KCNH8: variants seen among roughly 807,000 people sequenced by gnomAD.
KCNH8 encodes the protein voltage-gated delayed rectifier potassium channel KCNH8.
KCNH8 carries 70 observed loss-of-function variants against 103.6 expected under a neutral mutation model. The observed-to-expected ratio is 0.68, with a 90% confidence interval of 0.56 to 0.82. KCNH8 has a LOEUF of 0.82. Ranked by LOEUF, KCNH8 falls within the 40% of genes least tolerant of loss-of-function variation. The pLI is 0.00. For synonymous variants in KCNH8, 498 were observed against 489.4 expected, an observed-to-expected ratio of 1.02 and a Z score of -0.23; for missense variants, 1,217 against 1,329.9, an observed-to-expected ratio of 0.92 and a Z score of 1.32.
At chr3:19,295,097 TAAG>T in intron 3 of KCNH8, among the ~76,000 whole-genome samples, 1 of 152,252 alleles carries the variant, frequency 6.6e-6, no homozygotes, top group South Asian at 2.1e-4. Context: ...AATATGGTAT[TAAG>T]AAGATTAAGG....
chr3:19,369,726 T>G (rs1331291252), intron 5 of KCNH8, among the ~76,000 whole-genome samples: 1 of 151,974 alleles, frequency 6.6e-6, no homozygotes, highest in Non-Finnish European at 1.5e-5. Flanking sequence ...AATGATCTAG[T>G]AAGTCATAAG....
At chr3:19,388,719 C>T (rs911940376) in intron 5 of KCNH8, among the ~76,000 whole-genome samples, 17 of 152,010 alleles carry the variant, frequency 1.1e-4, no homozygotes, top group African/African-American at 3.9e-4. Flanking sequence ...TTGGGTCACC[C>T]AGGACTTGCC....
chr3:19,288,297 T>C (rs1464529704), intron 3 of KCNH8, among the ~76,000 whole-genome samples: 1 of 151,098 alleles, frequency 6.6e-6, no homozygotes, highest in Non-Finnish European at 1.5e-5. Flanking sequence ...GTTACATATG[T>C]ATACATGTGC....
At chr3:19,429,273 A>G (rs1246999077) in intron 7 of KCNH8, among the ~76,000 whole-genome samples, 1 of 146,298 alleles carries the variant, frequency 6.8e-6, no homozygotes, top group Non-Finnish European at 1.5e-5. Context: ...TTCCGGGTTC[A>G]CGGCATTCTC....
intron 1 of KCNH8, among the ~76,000 whole-genome samples, chr3:19,242,287 C>T (rs929696871): frequency 1.3e-5 from 2 of 152,164 alleles, no homozygotes; most frequent in Non-Finnish European, 2.9e-5. Flanking sequence ...TAGCACCATT[C>T]CACGGTCATA....
rs1318464604 is a variant in KCNH8, at chr3:19,334,979, TC to T, written c.443-7607del. Among the ~76,000 whole-genome samples the T allele has an allele frequency of 2.6e-5, 4 of 152,062 alleles. No homozygotes were observed. In the East Asian group the frequency reaches 7.7e-4, roughly 29 times the overall value. ...CTTGGTATTGAAGCTAATCAGGCAT[TC>T]TTTCTTTTTTATTTTTCTGTATTTC... On this transcript the variant is annotated intron_variant, in intron 3 of 15. Coordinates refer to ENST00000328405, the MANE Select transcript of KCNH8 (RefSeq NM_144633.3).
At chr3:19,454,969 G>A (rs2067508628) in intron 10 of KCNH8, among the ~76,000 whole-genome samples, 1 of 151,810 alleles carries the variant, frequency 6.6e-6, no homozygotes, top group South Asian at 2.1e-4. Flanking sequence ...TGCCTTATAG[G>A]GCTAATTCAA....
chr3:19,515,680 G>T (rs2125244433), intron 14 of KCNH8, among the ~76,000 whole-genome samples: 1 of 152,070 alleles, frequency 6.6e-6, no homozygotes, highest in South Asian at 2.1e-4. Flanking sequence ...TATGCCAGGA[G>T]ACTCAAATTT....
At chr3:19,528,301 C>T (rs1441536436) in intron 15 of KCNH8, among the ~76,000 whole-genome samples, 5 of 151,966 alleles carry the variant, frequency 3.3e-5, no homozygotes, top group Admixed American at 3.3e-4. Context: ...TAATTGAATT[C>T]ATCACTTGGC....
intron 3 of KCNH8, among the ~76,000 whole-genome samples, chr3:19,288,335 C>T (rs931520571): frequency 3.3e-5 from 5 of 151,472 alleles, no homozygotes; most frequent in Non-Finnish European, 2.9e-5. Flanking sequence ...CCCATTAACT[C>T]GTCATTTAAC....
intron 5 of KCNH8, among the ~76,000 whole-genome samples, chr3:19,370,650 G>C (rs1350258073): frequency 6.6e-6 from 1 of 151,956 alleles, no homozygotes; most frequent in African/African-American, 2.4e-5. Context: ...GGGTACATAT[G>C]CACATTGTGC....
chr3:19,406,883 G>C (rs763699651), intron 7 of KCNH8, among the ~76,000 whole-genome samples: 1 of 152,122 alleles, frequency 6.6e-6, no homozygotes, highest in Non-Finnish European at 1.5e-5. Context: ...TGTAAAATGA[G>C]CTAGTCAGAT....
chr3:19,288,643 G>A (rs763645753), intron 3 of KCNH8, among the ~76,000 whole-genome samples: 2 of 152,096 alleles, frequency 1.3e-5, no homozygotes, highest in Non-Finnish European at 2.9e-5. Flanking sequence ...TTGGACATTT[G>A]GGTTGTTTCC....
Position 19,534,154 on chromosome 3 carries a change from T to C in KCNH8, c.*55T>C. ...TCAAACCTACCACTGCATGACAGTT[T>C]TAGTTTGCCTTTTTGCCTCTGGTGG... On this transcript the variant is annotated 3_prime_UTR_variant, in exon 16 of 16. Transcript: ENST00000328405. 1.5e-6 allele frequency: 2 copies of C among 1,369,604 alleles called. No individual in the cohort carries two copies. The highest frequency in any genetic ancestry group is 3.7e-4 in the Middle Eastern group (2 of 5,446). The allele number at this position is 1,369,604 out of a possible 1,614,324, so 84.8% of individuals were successfully genotyped here.
chr3:19,485,463 T>C (rs1403274195), intron 11 of KCNH8, among the ~76,000 whole-genome samples: 1 of 152,140 alleles, frequency 6.6e-6, no homozygotes. Context: ...GGCTGGCAAA[T>C]GTGAGATGTA....
intron 8 of KCNH8, among the ~76,000 whole-genome samples, chr3:19,447,501 A>C (rs2067380021): frequency 6.6e-6 from 1 of 152,062 alleles, no homozygotes; most frequent in African/African-American, 2.4e-5. Context: ...AATCATACAC[A>C]TAATTAAGGA....
chr3:19,282,505 A>G (rs561050972), intron 3 of KCNH8, among the ~76,000 whole-genome samples: 13 of 152,300 alleles, frequency 8.5e-5, no homozygotes, highest in Admixed American at 5.2e-4. Flanking sequence ...ACATGTAAGT[A>G]TATATTCATA....
At chr3:19,252,419 C>T (rs1340685119) in intron 1 of KCNH8, among the ~76,000 whole-genome samples, 2 of 149,770 alleles carry the variant, frequency 1.3e-5, no homozygotes, top group African/African-American at 4.9e-5. Flanking sequence ...GACGGAGTTT[C>T]GCTCTTGTTG....
chr3:19,470,873 A>C (rs1390233871), intron 11 of KCNH8, among the ~76,000 whole-genome samples: 1 of 152,200 alleles, frequency 6.6e-6, no homozygotes, highest in African/African-American at 2.4e-5. Flanking sequence ...AAAACATATT[A>C]AATAGGGAGC....
Sources: allele counts gnomAD v4.1 joint callset (sites outside exome capture counted in the v4.1 genomes callset), GRCh38; gene constraint gnomAD v4.1.1; transcripts MANE v1.5; gene names NCBI Gene and HGNC (gene_info 2026-07-23, HGNC 2026-07-21).